The following SLC45A1 variants were observed in gnomAD, a reference collection of about 807,000 sequenced individuals.
SLC45A1 encodes the protein solute carrier family 45 member 1.
In SLC45A1, 28 loss-of-function variants were observed where a neutral mutation model predicts 57.6. The observed-to-expected ratio is 0.49, with a 90% CI of 0.36 to 0.67. SLC45A1 has a LOEUF of 0.67. Ranked by LOEUF, SLC45A1 falls within the 30% of genes least tolerant of loss-of-function variation. The pLI, the probability that SLC45A1 is intolerant of heterozygous loss-of-function variation, is 0.00. For missense variants in SLC45A1, 814 were observed against 1,041.5 expected (o/e 0.78, Z 3.01); for synonymous variants, 459 against 471.5 (o/e 0.97, Z 0.34).
Position 8,325,339 on chromosome 1 carries a change from T to G in SLC45A1, c.439T>G (p.Cys147Gly). 6.2e-7 allele frequency: 1 copy of G among 1,613,812 alleles called. No homozygotes were observed. Among genetic ancestry groups the G allele is most frequent in the Non-Finnish European group, 8.5e-7 (1 of 1,179,858 alleles). The change falls in exon 3 of 9, where the codon TGT becomes GGT. Residue 147 changes from cysteine (C) to glycine (G), a missense_variant. Cys to Gly is a radical substitution (Grantham distance 159). Transcript: ENST00000471889. The surrounding 1 kb of genome is among the most constrained non-coding windows in gnomAD (Gnocchi z 6.3). ...TCTGTTGGGTGCTTGGAGTGACCGG[T>G]GTACCTCAAGGTTTGGAAGGAGACG... ...QPLLGAWSDR[C>G]TSRFGRRRPF...
intron 1 of SLC45A1, among the ~76,000 whole-genome samples, chr1:8,323,015 C>T (rs1640079597): frequency 6.6e-6 from 1 of 152,086 alleles, no homozygotes; most frequent in African/African-American, 2.4e-5. Flanking sequence ...TATTAATAAT[C>T]CAGATTAATT....
chr1:8,321,393 T>TAAAACCCATCTCTTAGCAA (rs59849259), intron 1 of SLC45A1, among the ~76,000 whole-genome samples: 76,513 of 151,056 alleles, frequency 0.51, 20,690 homozygotes, highest in East Asian at 0.76. Flanking sequence ...CACCTTGGAA[T>TAAAACCCATCTCTTAGCAA]AAAACCCATC....
Position 8,344,133 on chromosome 1 carries a change from T to C in SLC45A1, c.*120T>C. On this transcript the variant is annotated 3_prime_UTR_variant, in exon 9 of 9. Coordinates refer to ENST00000471889, the MANE Select transcript of SLC45A1 (RefSeq NM_001080397.3). ...CTGGCTGCCTACTGGAATGTAAATA[T>C]GTGATAAAATAATAAATGACAGCGG... 9 of 933,822 alleles carry C rather than the reference T, an allele frequency of 9.6e-6. No individual in the cohort carries two copies. Among genetic ancestry groups the C allele is most frequent in the Non-Finnish European group, 1.4e-5 (9 of 645,150 alleles). The allele number at this position is 933,822 out of a possible 1,614,324, so 57.8% of individuals were successfully genotyped here.
chr1:8,337,763 GGCAGAGTGTTGGCCTTT>G (rs1640666554), intron 6 of SLC45A1, 36 bp from the exon 7 acceptor site: 20 of 1,534,060 alleles, frequency 1.3e-5, no homozygotes, highest in Non-Finnish European at 1.8e-5. Flanking sequence ...TTAGAGAAAG[GGCAGAGTGTTGGCCTTT>G]GCCCCCGAGG....
Position 8,337,836 on chromosome 1 carries a change from A to G in SLC45A1, c.1618A>G (p.Met540Val). ...HFLGWLSFEG[M>V]LLFYTDFMGE... ...TCCAGGGTGGCTCTCATTCGAGGGG[A>G]TGTTGCTCTTCTACACAGACTTCAT... is the stretch of plus-strand genomic sequence containing the variant. The change falls in exon 7 of 9, where the codon ATG (methionine) becomes GTG (valine). Residue 540 changes from methionine to valine, a missense_variant. Physicochemically the swap from Met to Val is conservative, Grantham distance 21. Transcript: ENST00000471889. 1 of 1,613,908 alleles carries G rather than the reference A, an allele frequency of 6.2e-7. No individual in the cohort carries two copies. Among genetic ancestry groups the G allele is most frequent in the Non-Finnish European group, 8.5e-7 (1 of 1,179,916 alleles).
rs560917569 is a variant in SLC45A1, at chr1:8,339,320, C to T, written c.1775-173C>T. 3.9e-5 allele frequency among the ~76,000 whole-genome samples: 6 copies of T among 152,326 alleles called. No homozygotes were observed. The South Asian group carries it at 8.3e-4, about 21-fold the overall frequency. ...CACCCACCAGAATTACTGGGGTGGT[C>T]TCTCAGCTCCCCTGGGTTCCCCAGG... On this transcript the variant is annotated intron_variant, in intron 7 of 8. Transcript: ENST00000471889.
intron 1 of SLC45A1, among the ~76,000 whole-genome samples, chr1:8,323,682 T>A (rs1640103534): frequency 6.6e-6 from 1 of 152,176 alleles, no homozygotes. Context: ...AACTCACTTG[T>A]CAATGGGTGC....
chr1:8,321,510 A>C (rs1289146268), intron 1 of SLC45A1, among the ~76,000 whole-genome samples: 2 of 151,984 alleles, frequency 1.3e-5, no homozygotes, highest in Non-Finnish European at 2.9e-5. Flanking sequence ...TCTGTCTTTT[A>C]CCCAATGATT....
chr1:8,330,042 C>A lies in SLC45A1; in HGVS notation c.716-167C>A. 1 of 844,562 alleles carries A rather than the reference C, an allele frequency of 1.2e-6. No individual in the cohort carries two copies. The highest frequency in any genetic ancestry group is 1.8e-6 in the Non-Finnish European group (1 of 550,448). 52.3% of individuals were successfully genotyped at this position (844,562 alleles called of 1,614,324 possible). The stretch of plus-strand genomic sequence containing the variant: ...AGGAGGGGGACCTCCTCAAGGGGCC[C>A]GCCCTGGGAATCCTGTCCCATTTTG... On this transcript the variant is annotated intron_variant, in intron 4 of 8. Transcript: ENST00000471889. This position sits in a 1 kb window ranked among gnomAD's most constrained non-coding sequence, Gnocchi z 8.4.
intron 7 of SLC45A1, among the ~76,000 whole-genome samples, chr1:8,338,356 G>A (rs918118074): frequency 3.3e-5 from 5 of 152,264 alleles, no homozygotes; most frequent in African/African-American, 7.2e-5. Flanking sequence ...GATTCAAGGA[G>A]CAACTGGTCC....
At chr1:8,334,022 G>T (rs1640516026) in intron 5 of SLC45A1, among the ~76,000 whole-genome samples, 1 of 152,262 alleles carries the variant, frequency 6.6e-6, no homozygotes, top group South Asian at 2.1e-4. Flanking sequence ...GGCACCGTCA[G>T]CCTCATTGTG....
At position 8,325,460 on chromosome 1, in the gene SLC45A1, A is replaced by G. The variant is rs1640168496; in HGVS notation, c.490+70A>G. The stretch of plus-strand genomic sequence containing the variant: ...AGGCCCCAACTGCTTCCTTTTAGGA[A>G]AATTTTAAAAAATGTTGACCAAAGC... On this transcript the variant is annotated intron_variant, in intron 3 of 8. Transcript: ENST00000471889. The surrounding 1 kb of genome is among the most constrained non-coding windows in gnomAD (Gnocchi z 6.3). 8.8e-7 allele frequency: 1 copy of G among 1,131,088 alleles called. No homozygotes were observed. The highest frequency in any genetic ancestry group is 2.2e-5 in the Admixed American group (1 of 46,306). 70.1% of individuals were successfully genotyped at this position (1,131,088 alleles called of 1,614,324 possible).
intron 1 of SLC45A1, among the ~76,000 whole-genome samples, chr1:8,322,593 A>G (rs901508669): frequency 1.1e-4 from 17 of 152,140 alleles, no homozygotes; most frequent in Non-Finnish European, 1.9e-4. Flanking sequence ...GAGGAATTTC[A>G]GAGTGATTCA....
intron 5 of SLC45A1, among the ~76,000 whole-genome samples, chr1:8,333,419 G>A (rs776497192): frequency 6.6e-6 from 1 of 151,890 alleles, no homozygotes; most frequent in Non-Finnish European, 1.5e-5. Context: ...TTAGAGGTGT[G>A]AGCCACCATG....
At chr1:8,320,004 CA>C (rs1242063524) in intron 1 of SLC45A1, among the ~76,000 whole-genome samples, 3 of 152,172 alleles carry the variant, frequency 2.0e-5, no homozygotes, top group African/African-American at 7.2e-5. Context: ...AGGCGTCAGC[CA>C]CTGTGCCCGG....
intron 8 of SLC45A1, among the ~76,000 whole-genome samples, chr1:8,342,452 G>C (rs1461695981): frequency 1.3e-5 from 2 of 152,122 alleles, no homozygotes; most frequent in African/African-American, 4.8e-5. Flanking sequence ...CCCAGGCCTA[G>C]GTGACCGCTA....
In SLC45A1 at chr1:8,325,221, A is replaced by C. The variant is rs1640158536; in HGVS notation, c.398-77A>C. On this transcript the variant is annotated intron_variant, in intron 2 of 8. Coordinates refer to ENST00000471889, the MANE Select transcript of SLC45A1 (RefSeq NM_001080397.3). This position sits in a 1 kb window ranked among gnomAD's most constrained non-coding sequence, Gnocchi z 6.3. ...GGGGGTGTTTGAGAGCAGGCACTTC[A>C]GGAATGTGGAGGCTGATTCGATGTC... is the stretch of plus-strand genomic sequence containing the variant. 7 of 896,432 alleles carry C rather than the reference A, an allele frequency of 7.8e-6. No homozygotes were observed. The highest frequency in any genetic ancestry group is 1.1e-5 in the Non-Finnish European group (6 of 542,232). The allele number at this position is 896,432 out of a possible 1,614,324, so 55.5% of individuals were successfully genotyped here.
Position 8,330,237 on chromosome 1 carries a change from C to A in SLC45A1, c.744C>A (p.Val248=). ...AGLGGGFGYV[V]GGIHWDKTGF... ...TCGGAGGAGGCTTTGGATACGTGGT[C>A]GGCGGAATCCACTGGGATAAAACGG... Residue 248 remains valine (V), a synonymous_variant, in exon 5 of 9, where the codon GTC becomes GTA. Transcript: ENST00000471889. The surrounding 1 kb of genome is among the most constrained non-coding windows in gnomAD (Gnocchi z 8.4). The A allele has an allele frequency of 1.2e-6, 2 of 1,613,780 alleles. No individual in the cohort carries two copies. The highest frequency in any genetic ancestry group is 1.7e-6 in the Non-Finnish European group (2 of 1,179,902).
intron 4 of SLC45A1, among the ~76,000 whole-genome samples, chr1:8,329,034 GCA>G (rs1199208184): frequency 7.9e-5 from 12 of 152,044 alleles, no homozygotes; most frequent in Non-Finnish European, 1.6e-4. Flanking sequence ...AAGAACAGAG[GCA>G]GAGAAGGGAC....
Sources: gnomAD v4.1 joint callset for allele counts (sites outside exome capture counted in the v4.1 genomes callset) on GRCh38, gnomAD v4.1.1 for gene constraint, Gnocchi (gnomAD v3.1) non-coding constraint, MANE v1.5 for transcripts, NCBI Gene and HGNC (gene_info 2026-07-23, HGNC 2026-07-21) for gene names.